KIAA1328: variants seen among roughly 807,000 people sequenced by gnomAD.
The protein encoded by KIAA1328 is protein hinderin.
KIAA1328 carries 52 observed loss-of-function variants against 68.1 expected under a neutral mutation model. The observed-to-expected ratio is 0.76, with a 90% CI of 0.61 to 0.96. The LOEUF is 0.96. Ranked by LOEUF, KIAA1328 falls within the 40% of genes least tolerant of loss-of-function variation. The probability of loss-of-function intolerance (pLI) is 0.00; values close to 1 mark genes in which losing one functional copy is unlikely to be tolerated. For synonymous variants in KIAA1328, 232 were observed against 239.4 expected (o/e 0.97, Z 0.28); for missense variants, 641 against 677.6 (o/e 0.95, Z 0.60).
At chr18:36,947,004 T>A (rs958048449) in intron 5 of KIAA1328, among the ~76,000 whole-genome samples, 2 of 152,062 alleles carry the variant, frequency 1.3e-5, no homozygotes, top group African/African-American at 4.8e-5. Context: ...TTAAACTCGG[T>A]TTACATTTCC....
chr18:37,045,100 C>A (rs2055413433), intron 6 of KIAA1328, among the ~76,000 whole-genome samples: 1 of 152,162 alleles, frequency 6.6e-6, no homozygotes, highest in Non-Finnish European at 1.5e-5. Context: ...AGTAAGAATT[C>A]TTTTCTCCTT....
chr18:37,097,932 A>G (rs2057463719), intron 7 of KIAA1328, among the ~76,000 whole-genome samples: 1 of 152,174 alleles, frequency 6.6e-6, no homozygotes, highest in African/African-American at 2.4e-5. Flanking sequence ...TTGTATCCTG[A>G]GACTTTGCTG....
At chr18:37,057,409 A>G (rs1353113107) in intron 6 of KIAA1328, among the ~76,000 whole-genome samples, 1 of 150,738 alleles carries the variant, frequency 6.6e-6, no homozygotes, top group Non-Finnish European at 1.5e-5. Context: ...TATTTCATGA[A>G]ATTGGAAAAT....
In KIAA1328 at chr18:36,870,761, G is replaced by A. The variant is rs192784642; in HGVS notation, c.333-14796G>A. On this transcript the variant is annotated intron_variant, in intron 4 of 9. Transcript: ENST00000280020. The stretch of plus-strand genomic sequence containing the variant: ...CTAATATCACTTTTTTCATTCAATA[G>A]TCAATTCAAGATCTCAAGTTGTATT... Among the ~76,000 whole-genome samples the A allele has an allele frequency of 3.9e-5, 6 of 152,274 alleles. No individual in the cohort carries two copies. In the East Asian group the frequency reaches 1.2e-3, roughly 29 times the overall value.
chr18:36,982,979 C>CAAATTGTATTGTAACAA (rs1212569828), intron 6 of KIAA1328, among the ~76,000 whole-genome samples: 9 of 151,408 alleles, frequency 5.9e-5, no homozygotes, highest in South Asian at 2.1e-4. Context: ...ACTAAAATAA[C>CAAATTGTATTGTAACAA]AAGATTGTAA....
At chr18:37,011,356 G>C (rs545720262) in intron 6 of KIAA1328, among the ~76,000 whole-genome samples, 1 of 152,052 alleles carries the variant, frequency 6.6e-6, no homozygotes, top group East Asian at 1.9e-4. Context: ...GGAAAAAAAG[G>C]CTTTGGAGTC....
intron 6 of KIAA1328, among the ~76,000 whole-genome samples, chr18:37,041,399 C>T (rs1216621435): frequency 6.6e-6 from 1 of 151,524 alleles, no homozygotes; most frequent in Non-Finnish European, 1.5e-5. Context: ...TATCTTTTTC[C>T]ATCCTTTTAC....
Position 37,067,076 on chromosome 18 carries a change from C to T in KIAA1328, c.763C>T (p.Pro255Ser). The change falls in exon 7 of 10, where the codon CCC (proline) becomes TCC (serine). Residue 255 changes from proline (P) to serine (S), a missense_variant. Physicochemically the swap from Pro to Ser is moderately conservative, Grantham distance 74 (BLOSUM62 -1). Coordinates refer to ENST00000280020, the MANE Select transcript of KIAA1328 (RefSeq NM_020776.3). ...TTTGAAACCAGTAACCCTTCATCAT[C>T]CCAAAGATGATCTAGATAAGATACC... is the stretch of plus-strand genomic sequence containing the variant. ...NSLKPVTLHH[P>S]KDDLDKIPSE... The T allele has an allele frequency of 6.2e-7, 1 of 1,613,976 alleles. No individual in the cohort carries two copies. The highest frequency in any genetic ancestry group is 8.5e-7 in the Non-Finnish European group (1 of 1,179,884).
intron 5 of KIAA1328, chr18:36,903,613 C>T (rs918302316): frequency 1.3e-5 from 2 of 152,118 alleles, no homozygotes; most frequent in African/African-American, 2.4e-5. Context: ...TCACTGACCT[C>T]GCTAAAATTC....
At chr18:36,992,522 C>T (rs989027957) in intron 6 of KIAA1328, among the ~76,000 whole-genome samples, 11 of 140,552 alleles carry the variant, frequency 7.8e-5, no homozygotes, top group African/African-American at 3.0e-4. Flanking sequence ...TTTAGTTTTG[C>T]GTATCTTAAA....
intron 7 of KIAA1328, among the ~76,000 whole-genome samples, chr18:37,152,096 TAAAA>T (rs376117913): frequency 2.4e-5 from 2 of 84,712 alleles, no homozygotes; most frequent in African/African-American, 4.2e-5. Context: ...TGGACCTATG[TAAAA>T]AAAAAAAAAA....
intron 1 of KIAA1328, chr18:36,833,483 G>A (rs1344350643): frequency 6.6e-6 from 1 of 152,226 alleles, no homozygotes; most frequent in African/African-American, 2.4e-5. Flanking sequence ...ACAAGTTACA[G>A]GGATCAGATC....
rs372615754 is a variant in KIAA1328 at position 37,163,384 on chromosome 18, T to C, written c.1414+3003T>C. ...CCTTCCTCCTTTTTGTTCCTCCTTC[T>C]TGAATCTCTAAATTCCCTTAAAATG... On this transcript the variant is annotated intron_variant, in intron 8 of 9. Transcript: ENST00000280020. Among the ~76,000 whole-genome samples the C allele has an allele frequency of 1.2e-3, 184 of 152,306 alleles. 2 individuals are homozygous for C. The South Asian group carries it at 0.036, about 30-fold the overall frequency.
intron 4 of KIAA1328, among the ~76,000 whole-genome samples, chr18:36,849,289 A>C (rs1032553974): frequency 1.3e-5 from 2 of 151,958 alleles, no homozygotes; most frequent in Non-Finnish European, 2.9e-5. Context: ...AATGTGGTAA[A>C]ATACACATGA....
intron 7 of KIAA1328, among the ~76,000 whole-genome samples, chr18:37,150,683 ATCAG>A (rs1280061356): frequency 6.6e-6 from 1 of 151,812 alleles, no homozygotes; most frequent in Non-Finnish European, 1.5e-5. Flanking sequence ...ACATTTGAAA[ATCAG>A]TCAATGTAAT....
At chr18:37,146,353 G>C (rs539376110) in intron 7 of KIAA1328, among the ~76,000 whole-genome samples, 1 of 152,094 alleles carries the variant, frequency 6.6e-6, no homozygotes, top group East Asian at 1.9e-4. Flanking sequence ...TTGGTTTTCT[G>C]TTCCTGCATT....
rs11872264 is a variant in KIAA1328 at position 37,214,630 on chromosome 18, C to T, written c.1524-7387C>T. ...TTTGCTTAGGATTGTCTTGGCAATA[C>T]GGGCTCTTTTTTGGTTCTATATGAA... On this transcript the variant is annotated intron_variant, in intron 9 of 9. Coordinates refer to ENST00000280020, the MANE Select transcript of KIAA1328 (RefSeq NM_020776.3). Among the ~76,000 whole-genome samples the T allele has an allele frequency of 1.1e-3, 174 of 152,266 alleles. 1 individual carries two copies. The highest frequency in any genetic ancestry group is 4.0e-3 in the African/African-American group (165 of 41,574).
chr18:36,919,300 G>A (rs1039730059), intron 5 of KIAA1328, among the ~76,000 whole-genome samples: 7 of 151,996 alleles, frequency 4.6e-5, no homozygotes, highest in African/African-American at 1.7e-4. Flanking sequence ...CAACTTGTCT[G>A]TTTTATTTTC....
At chr18:37,109,245 A>G (rs1568417139) in intron 7 of KIAA1328, among the ~76,000 whole-genome samples, 1 of 152,184 alleles carries the variant, frequency 6.6e-6, no homozygotes, top group Non-Finnish European at 1.5e-5. Flanking sequence ...ACATATGCAG[A>G]CACTGGTTTT....
Sources: allele counts gnomAD v4.1 joint callset (sites outside exome capture counted in the v4.1 genomes callset), GRCh38; gene constraint gnomAD v4.1.1; transcripts MANE v1.5; gene names NCBI Gene and HGNC (gene_info 2026-07-23, HGNC 2026-07-21).